The following COA1 variants were observed in gnomAD, a reference collection of about 807,000 sequenced individuals.
COA1 encodes cytochrome c oxidase assembly factor 1.
A neutral mutation model predicts 16.0 loss-of-function variants in COA1; 13 were observed. That is an observed-to-expected ratio of 0.81 (90% CI 0.53 to 1.29). The LOEUF (loss-of-function observed/expected upper bound fraction) is 1.29, where lower values mean the gene tolerates loss of function less well. Ranked by LOEUF, COA1 falls within the 50% of genes most tolerant of loss-of-function variation. The probability of loss-of-function intolerance (pLI) is 0.00; values close to 1 mark genes in which losing one functional copy is unlikely to be tolerated. For missense variants in COA1, 179 were observed against 177.0 expected (o/e 1.01, Z -0.06); for synonymous variants, 65 against 65.7 (o/e 0.99, Z 0.05).
At chr7:43,624,860 A>T in intron 6 of COA1, 1 of 1,563,378 alleles carries the variant, frequency 6.4e-7, no homozygotes, top group South Asian at 1.2e-5. Context: ...TTCCCTTTAG[A>T]ACTTCAAGAT....
At chr7:43,684,697 A>T (rs909337764) in intron 1 of COA1, among the ~76,000 whole-genome samples, 6 of 152,194 alleles carry the variant, frequency 3.9e-5, no homozygotes, top group Admixed American at 6.5e-5. Context: ...ACCATCTTAT[A>T]GCAAAGATTC....
chr7:43,707,361 G>A (rs2095030831), intron 1 of COA1, among the ~76,000 whole-genome samples: 1 of 152,144 alleles, frequency 6.6e-6, no homozygotes, highest in African/African-American at 2.4e-5. Context: ...AAAACTGAGT[G>A]GTTCTTTTTT....
intron 6 of COA1, chr7:43,622,802 G>C (rs1204754817): frequency 6.6e-6 from 1 of 151,900 alleles, no homozygotes; most frequent in Non-Finnish European, 1.5e-5. Context: ...CCAGACTCAA[G>C]TGATCCTCCC....
At chr7:43,624,674 A>C (rs2084297041) in intron 6 of COA1, 1 of 1,614,038 alleles carries the variant, frequency 6.2e-7, no homozygotes, top group African/African-American at 1.3e-5. Context: ...CCGACAAATC[A>C]GAAACCAAGG....
At chr7:43,684,648 G>C (rs1303575711) in intron 1 of COA1, among the ~76,000 whole-genome samples, 2 of 152,174 alleles carry the variant, frequency 1.3e-5, no homozygotes, top group African/African-American at 4.8e-5. Context: ...GCAAGGGGTT[G>C]AAAGTGGAAA....
At chr7:43,714,799 G>A (rs889138385) in intron 1 of COA1, among the ~76,000 whole-genome samples, 3 of 151,836 alleles carry the variant, frequency 2.0e-5, no homozygotes, top group African/African-American at 7.3e-5. Context: ...CTTGCAGCCA[G>A]GAGTTCGAGA....
intron 1 of COA1, among the ~76,000 whole-genome samples, chr7:43,668,415 T>C (rs890573679): frequency 2.6e-5 from 4 of 152,222 alleles, no homozygotes; most frequent in Admixed American, 6.5e-5. Context: ...TGCTGCACTT[T>C]ATGCAAATAA....
chr7:43,645,333 T>A lies in COA1; in HGVS notation c.182A>T (p.Gln61Leu). The A allele has an allele frequency of 6.2e-7, 1 of 1,614,048 alleles. No homozygotes were observed. The highest frequency in any genetic ancestry group is 8.5e-7 in the Non-Finnish European group (1 of 1,179,914). The change falls in exon 4 of 6, where the codon CAG becomes CTG. Residue 61 changes from glutamine to leucine, a missense_variant. Physicochemically the swap from Gln to Leu is moderately radical, Grantham distance 113. Coordinates refer to ENST00000223336, the MANE Select transcript of COA1 (RefSeq NM_018224.4). ...VEQLQSHPEA[Q>L]EALGPPLNIH... ...GTTGAGAGGAGGGCCCAGAGCTTCC[T>A]GTGCCTCGGGATGGCTCTGCAGCTG...
intron 1 of COA1, among the ~76,000 whole-genome samples, chr7:43,708,403 G>A (rs918908158): frequency 7.4e-5 from 10 of 134,638 alleles, no homozygotes; most frequent in Admixed American, 5.9e-4. Flanking sequence ...CAAGACTGCA[G>A]TGAGCCGAGA....
chr7:43,622,807 C>A, intron 6 of COA1: 1 of 151,958 alleles, frequency 6.6e-6, no homozygotes. Context: ...CTCAAGTGAT[C>A]CTCCCACCTC....
At chr7:43,687,356 A>T (rs1038554804) in intron 1 of COA1, among the ~76,000 whole-genome samples, 6 of 152,232 alleles carry the variant, frequency 3.9e-5, no homozygotes, top group Non-Finnish European at 8.8e-5. Flanking sequence ...GACATTTTAA[A>T]GTGCTTCCTC....
intron 1 of COA1, among the ~76,000 whole-genome samples, chr7:43,714,609 A>C (rs1211730022): frequency 1.3e-5 from 2 of 151,998 alleles, no homozygotes; most frequent in East Asian, 1.9e-4. Context: ...AGCCTGGGCT[A>C]CAAGAGCGAA....
intron 6 of COA1, among the ~76,000 whole-genome samples, chr7:43,630,959 T>G (rs532139873): frequency 6.6e-6 from 1 of 152,286 alleles, no homozygotes; most frequent in South Asian, 2.1e-4. Context: ...TCAGACAATT[T>G]TGCTTCCACT....
At chr7:43,725,303 A>G (rs1389546237) in intron 1 of COA1, among the ~76,000 whole-genome samples, 1 of 152,226 alleles carries the variant, frequency 6.6e-6, no homozygotes, top group East Asian at 1.9e-4. Context: ...TTACACAACA[A>G]TGTTAAAGTA....
chr7:43,704,818 C>T (rs1389891269), intron 1 of COA1, among the ~76,000 whole-genome samples: 1 of 152,066 alleles, frequency 6.6e-6, no homozygotes, highest in African/African-American at 2.4e-5. Flanking sequence ...GTCTTTTCAG[C>T]CCGGTTAAGA....
At chr7:43,716,192 C>T (rs936676966) in intron 1 of COA1, among the ~76,000 whole-genome samples, 3 of 152,040 alleles carry the variant, frequency 2.0e-5, no homozygotes, top group African/African-American at 7.2e-5. Flanking sequence ...GTGGAAGTGA[C>T]TTTGGAAGTG....
intron 1 of COA1, among the ~76,000 whole-genome samples, chr7:43,662,399 T>G (rs1369231427): frequency 1.3e-5 from 2 of 152,056 alleles, no homozygotes; most frequent in South Asian, 2.1e-4. Context: ...CCAGCTAAAT[T>G]TTTTTGTATT....
chr7:43,713,031 G>A (rs181046930), intron 1 of COA1, among the ~76,000 whole-genome samples: 27 of 152,254 alleles, frequency 1.8e-4, no homozygotes, highest in Non-Finnish European at 3.2e-4. Context: ...TCAGCTCACT[G>A]CAAACTTTGC....
At chr7:43,611,863 A>T (rs1420537671) in intron 6 of COA1, among the ~76,000 whole-genome samples, 1 of 152,196 alleles carries the variant, frequency 6.6e-6, no homozygotes, top group African/African-American at 2.4e-5. Flanking sequence ...CACCTATAGG[A>T]AATGAGCTTT....
Sources: gnomAD v4.1 joint callset for allele counts (sites outside exome capture counted in the v4.1 genomes callset) on GRCh38, gnomAD v4.1.1 for gene constraint, MANE v1.5 for transcripts, NCBI Gene and HGNC (gene_info 2026-07-23, HGNC 2026-07-21) for gene names.